Variants in CREBBP observed in about 807,000 individuals in gnomAD.
The protein encoded by CREBBP is CREB-binding protein.
In CREBBP, 19 loss-of-function variants were observed where a neutral mutation model predicts 265.0. The ratio of observed to expected loss-of-function variants is 0.07; its 90% CI spans 0.05 to 0.11. The LOEUF (loss-of-function observed/expected upper bound fraction) is 0.11, where lower values mean the gene tolerates loss of function less well. CREBBP is among the 10% of genes least tolerant of loss of function. The pLI is 1.00. For missense variants in CREBBP, 2,525 were observed against 3,219.0 expected, an observed-to-expected ratio of 0.78 and a Z score of 5.22; for synonymous variants, 1,457 against 1,223.7, an observed-to-expected ratio of 1.19 and a Z score of -3.98.
chr16:3,801,306 A>G (rs2053708018), intron 3 of CREBBP, among the ~76,000 whole-genome samples: 1 of 152,232 alleles, frequency 6.6e-6, no homozygotes, highest in Non-Finnish European at 1.5e-5. Flanking sequence ...GTCTCTAAAC[A>G]TAAGCACTTT....
intron 23 of CREBBP, chr16:3,743,118 G>C (rs924985284): frequency 4.6e-5 from 7 of 152,224 alleles, no homozygotes; most frequent in African/African-American, 1.7e-4. Flanking sequence ...GCCCCTCCAG[G>C]GGACATCTGG....
At chr16:3,778,865 T>C (rs1175773747) in intron 8 of CREBBP, 48 bp from the exon 9 acceptor site, 1 of 1,556,438 alleles carries the variant, frequency 6.4e-7, no homozygotes, top group African/African-American at 1.4e-5. Context: ...TTCTTCTTTT[T>C]TTTAAAGACA....
chr16:3,831,322 T>TA (rs903931177), intron 2 of CREBBP, among the ~76,000 whole-genome samples: 1 of 152,158 alleles, frequency 6.6e-6, no homozygotes, highest in Non-Finnish European at 1.5e-5. Flanking sequence ...TAAACTAATT[T>TA]AAAAAATGTA....
chr16:3,860,112 C>T (rs909061930), intron 1 of CREBBP, among the ~76,000 whole-genome samples: 1 of 152,072 alleles, frequency 6.6e-6, no homozygotes, highest in Non-Finnish European at 1.5e-5. Flanking sequence ...CGAGTGCCTA[C>T]TCGGTGTGTG....
At chr16:3,838,208 T>C (rs540035942) in intron 2 of CREBBP, among the ~76,000 whole-genome samples, 2 of 152,324 alleles carry the variant, frequency 1.3e-5, no homozygotes, top group East Asian at 3.9e-4. Flanking sequence ...TTTAGGTTTA[T>C]AAACACTTAG....
In CREBBP at chr16:3,773,787, G is replaced by A; in HGVS notation, c.2427C>T (p.Gly809=). Residue 809 remains glycine (G), a synonymous_variant, in exon 13 of 31, where the codon GGC becomes GGT. Transcript: ENST00000262367. ...FPSSSGAMSV[G]MGQPPAQTGV... ...CTGTTTGGGCTGGCGGCTGCCCCAT[G>A]CCCACACTCATCGCCCCGCTGGATG... The A allele has an allele frequency of 1.2e-6, 2 of 1,613,744 alleles. No individual in the cohort carries two copies. The highest frequency in any genetic ancestry group is 1.7e-6 in the Non-Finnish European group (2 of 1,180,034).
intron 15 of CREBBP, among the ~76,000 whole-genome samples, chr16:3,768,136 G>GTTTGTT (rs2052905281): frequency 9.3e-4 from 48 of 51,596 alleles, no homozygotes; most frequent in Non-Finnish European, 1.1e-3. Flanking sequence ...ATTTAAAAGT[G>GTTTGTT]TTTTTTTTTT....
chr16:3,806,749 G>A (rs898382099), intron 3 of CREBBP, among the ~76,000 whole-genome samples: 2 of 152,048 alleles, frequency 1.3e-5, no homozygotes, highest in African/African-American at 4.8e-5. Flanking sequence ...CCTGTAAGCC[G>A]ATGGCCCATC....
intron 2 of CREBBP, among the ~76,000 whole-genome samples, chr16:3,838,346 G>C (rs943595752): frequency 6.6e-5 from 10 of 152,126 alleles, no homozygotes. Flanking sequence ...ATCTAGGTTT[G>C]CATAACTACT....
chr16:3,735,708 A>G (rs2052038304), intron 28 of CREBBP, among the ~76,000 whole-genome samples: 1 of 152,156 alleles, frequency 6.6e-6, no homozygotes, highest in Non-Finnish European at 1.5e-5. Context: ...CAAACACGGA[A>G]TAAGGCCTGG....
chr16:3,727,749 T>TCCC lies in CREBBP; in HGVS notation c.7295_7297dup (p.Gly2432dup). 1 of 1,613,996 alleles carries TCCC rather than the reference T, an allele frequency of 6.2e-7. No individual in the cohort carries two copies. Among genetic ancestry groups the TCCC allele is most frequent in the Non-Finnish European group, 8.5e-7 (1 of 1,179,994 alleles). On this transcript the variant is annotated inframe_insertion, in exon 31 of 31. Coordinates refer to ENST00000262367, the MANE Select transcript of CREBBP (RefSeq NM_004380.3). ...GCCCTCCACAAACTTCTCTAGCGTG[T>TCCC]CCCCCGTGGTGTCCCCGACCAGGGA...
At chr16:3,784,263 GA>G (rs900244880) in intron 5 of CREBBP, among the ~76,000 whole-genome samples, 2 of 151,538 alleles carry the variant, frequency 1.3e-5, no homozygotes, top group African/African-American at 2.4e-5. Flanking sequence ...TAAAATGTGT[GA>G]AAAAAAATTC....
intron 10 of CREBBP, 52 bp downstream of exon 10, chr16:3,777,959 G>A (rs2141232095): frequency 3.8e-6 from 6 of 1,591,638 alleles, no homozygotes; most frequent in Non-Finnish European, 5.2e-6. Flanking sequence ...CAAACACGAA[G>A]GAAAACCAAG....
chr16:3,880,239 C>A lies in CREBBP; in HGVS notation c.-323G>T. On this transcript the variant is annotated 5_prime_UTR_variant, in exon 1 of 31. Coordinates refer to ENST00000262367, the MANE Select transcript of CREBBP (RefSeq NM_004380.3). The stretch of plus-strand genomic sequence containing the variant: ...GCGCCCCGGCGGCCCGGCCGCCCCC[C>A]CGGGCCCGGCTGGCAGCGACGGCGC... 1 of 141,874 alleles carries A rather than the reference C, an allele frequency of 7.0e-6. No homozygotes were observed. Among genetic ancestry groups the A allele is most frequent in the South Asian group, 1.8e-4 (1 of 5,440 alleles). The allele number at this position is 141,874 out of a possible 1,614,324, so 8.8% of individuals were successfully genotyped here.
chr16:3,876,359 T>TGTTTTTGA (rs2055399873), intron 1 of CREBBP, among the ~76,000 whole-genome samples: 1 of 87,540 alleles, frequency 1.1e-5, no homozygotes, highest in African/African-American at 4.5e-5. Flanking sequence ...AAAAACTTTA[T>TGTTTTTGA]AAACAGTCTG....
intron 1 of CREBBP, among the ~76,000 whole-genome samples, chr16:3,852,199 C>A: frequency 9.5e-6 from 1 of 105,218 alleles, no homozygotes; most frequent in Non-Finnish European, 1.7e-5. Flanking sequence ...GAGTCTCGCT[C>A]TGCGGCCCAG....
chr16:3,735,762 T>G (rs919606134), intron 28 of CREBBP, among the ~76,000 whole-genome samples: 1 of 152,198 alleles, frequency 6.6e-6, no homozygotes, highest in Non-Finnish European at 1.5e-5. Flanking sequence ...CAGCGGGTTG[T>G]GTCCTGACTG....
chr16:3,847,116 A>G (rs1208602486), intron 2 of CREBBP, among the ~76,000 whole-genome samples: 1 of 152,208 alleles, frequency 6.6e-6, no homozygotes, highest in Non-Finnish European at 1.5e-5. Flanking sequence ...GATGTATCAT[A>G]TAATGGAATA....
chr16:3,777,928 T>C, intron 10 of CREBBP, 83 bp downstream of exon 10: 1 of 1,493,696 alleles, frequency 6.7e-7, no homozygotes, highest in Non-Finnish European at 9.3e-7. Context: ...ATTCTAATTC[T>C]CTGTTCTTAG....
Sources: gnomAD v4.1 joint callset for allele counts (sites outside exome capture counted in the v4.1 genomes callset) on GRCh38, gnomAD v4.1.1 for gene constraint, MANE v1.5 for transcripts, NCBI Gene and HGNC (gene_info 2026-07-23, HGNC 2026-07-21) for gene names.